Variants in KATNIP observed in about 807,000 individuals in gnomAD.
The protein encoded by KATNIP is katanin-interacting protein.
Under a neutral mutation model 174.0 loss-of-function variants are expected in KATNIP, and 126 were observed. The observed-to-expected ratio is 0.72, with a 90% CI of 0.63 to 0.84. KATNIP has a LOEUF of 0.84. Ranked by LOEUF, KATNIP falls within the 40% of genes least tolerant of loss-of-function variation. The pLI is 0.00. For synonymous variants in KATNIP, 810 were observed against 835.7 expected, an observed-to-expected ratio of 0.97 and a Z score of 0.53; for missense variants, 1,958 against 2,109.7, an observed-to-expected ratio of 0.93 and a Z score of 1.41.
chr16:27,672,548 A>G (rs1449561583), intron 6 of KATNIP, among the ~76,000 whole-genome samples: 1 of 152,204 alleles, frequency 6.6e-6, no homozygotes, highest in Non-Finnish European at 1.5e-5. Flanking sequence ...CACAGCACCT[A>G]AGCACATGAG....
Position 27,576,872 on chromosome 16 carries a change from T to C in KATNIP, c.63+2916T>C, listed in dbSNP as rs1325258831. On this transcript the variant is annotated intron_variant, in intron 2 of 27. Coordinates refer to ENST00000261588, the MANE Select transcript of KATNIP (RefSeq NM_015202.5). ...AGAGCTGGTTAGAACAAATGTTGTA[T>C]TTCTCAAGGTGGTAAGGTGGTGTGG... Among the ~76,000 whole-genome samples, 4 of 152,196 alleles carry C rather than the reference T, an allele frequency of 2.6e-5. No homozygotes were observed. In the East Asian group the frequency reaches 5.8e-4, roughly 22 times the overall value.
In KATNIP at chr16:27,740,578, G is replaced by C; in HGVS notation, c.2281G>C (p.Gly761Arg). The C allele has an allele frequency of 6.2e-7, 1 of 1,614,170 alleles. No homozygotes were observed. The highest frequency in any genetic ancestry group is 8.5e-7 in the Non-Finnish European group (1 of 1,180,034). ...ATCCTGGTTACAACCTTCTCCCACC[G>C]GCAAGGACAGGAAGCAGGGAGGCAG... is the stretch of plus-strand genomic sequence containing the variant. ...TPSWLQPSPTGKDRKQGGRKP... is the reference protein window; with the variant it reads ...TPSWLQPSPTRKDRKQGGRKP... The change falls in exon 15 of 28, where the codon GGC (glycine) becomes CGC (arginine). Residue 761 changes from glycine (G) to arginine (R), a missense_variant. By Grantham distance (125) the Gly-to-Arg change is moderately radical. Coordinates refer to ENST00000261588, the MANE Select transcript of KATNIP (RefSeq NM_015202.5).
At chr16:27,577,924 C>G (rs775197637) in intron 2 of KATNIP, among the ~76,000 whole-genome samples, 1 of 152,042 alleles carries the variant, frequency 6.6e-6, no homozygotes, top group African/African-American at 2.4e-5. Flanking sequence ...GTGATTATAA[C>G]GTGTAGCAGT....
chr16:27,555,046 C>A (rs1252513231), intron 1 of KATNIP, among the ~76,000 whole-genome samples: 1 of 152,084 alleles, frequency 6.6e-6, no homozygotes, highest in Non-Finnish European at 1.5e-5. Context: ...TATCCACCTG[C>A]CTCAGCCTCC....
rs1354935733 is a variant in KATNIP, at chr16:27,631,053, T to C, written c.311-12T>C. 1 of 1,557,074 alleles carries C rather than the reference T, an allele frequency of 6.4e-7. No homozygotes were observed. The highest frequency in any genetic ancestry group is 1.2e-5 in the South Asian group (1 of 84,546). ...TGCCTCACCAAGTCTCCTTCCCTCG[T>C]CTCTGGTGCAGATTATGGACGAAGA... is the stretch of plus-strand genomic sequence containing the variant. On this transcript the variant is annotated splice_polypyrimidine_tract_variant and intron_variant, in intron 4 of 27. Coordinates refer to ENST00000261588, the MANE Select transcript of KATNIP (RefSeq NM_015202.5).
At position 27,550,290 on chromosome 16, in the gene KATNIP, C is replaced by T. The variant is rs935871180; in HGVS notation, c.7+113C>T. ...ACCCCTGGACCACCACTTCCTGACCCAAGGGGGTCTCCGAAATGAGGGATA... is the reference window on the plus strand; with the variant it reads ...ACCCCTGGACCACCACTTCCTGACCTAAGGGGGTCTCCGAAATGAGGGATA... On this transcript the variant is annotated intron_variant, in intron 1 of 27. Coordinates refer to ENST00000261588, the MANE Select transcript of KATNIP (RefSeq NM_015202.5). 4 of 1,229,686 alleles carry T rather than the reference C, an allele frequency of 3.3e-6. No homozygotes were observed. The Admixed American group carries it at 9.8e-5, about 30-fold the overall frequency. The allele number at this position is 1,229,686 out of a possible 1,614,324, so 76.2% of individuals were successfully genotyped here. A position where few individuals can be genotyped will look rare whatever the true frequency, so the allele number is the denominator to read the frequency against.
intron 13 of KATNIP, among the ~76,000 whole-genome samples, chr16:27,710,433 CT>C (rs2079523108): frequency 1.3e-5 from 2 of 152,178 alleles, no homozygotes; most frequent in Admixed American, 1.3e-4. Flanking sequence ...CTTCCTGCTA[CT>C]TGCAAGTTGC....
chr16:27,778,571 C>CCA lies in KATNIP; in HGVS notation c.4802-3_4802-2insCA. The CCA allele has an allele frequency of 6.2e-7, 1 of 1,613,652 alleles. No individual in the cohort carries two copies. ...CTGGTCCCTCTGTTCCCTGTCATGA[C>CCA]AGCCTTACGTCCCAAAACCTGCATC... On this transcript the variant is annotated splice_region_variant and splice_polypyrimidine_tract_variant and intron_variant, in intron 27 of 27. Coordinates refer to ENST00000261588, the MANE Select transcript of KATNIP (RefSeq NM_015202.5).
intron 14 of KATNIP, among the ~76,000 whole-genome samples, chr16:27,732,189 G>C (rs191638314): frequency 6.6e-6 from 1 of 152,204 alleles, no homozygotes; most frequent in African/African-American, 2.4e-5. Context: ...TCCCATCCAC[G>C]TTTGTCATCC....
In KATNIP at chr16:27,631,073, C is replaced by T. The variant is rs748762874; in HGVS notation, c.319C>T (p.Arg107Ter). 1.5e-5 allele frequency: 23 copies of T among 1,567,718 alleles called. No individual in the cohort carries two copies. The highest frequency in any genetic ancestry group is 2.3e-5 in the East Asian group (1 of 42,762). The change falls in exon 5 of 28, where the codon CGA (arginine) becomes TGA (stop). Residue 107 changes from arginine (R) to a stop codon, truncating the protein, a stop_gained. Transcript: ENST00000261588. LOFTEE classifies it high-confidence loss of function. ...CCTCGTCTCTGGTGCAGATTATGGA[C>T]GAAGAACTCTGTTTCGAGAAGCTGA... ...SHTEGTHDYG[R>*]RTLFREAEEA...
At chr16:27,554,159 G>A (rs1021235875) in intron 1 of KATNIP, among the ~76,000 whole-genome samples, 7 of 152,098 alleles carry the variant, frequency 4.6e-5, no homozygotes, top group Admixed American at 2.0e-4. Context: ...ATTGCTTTGT[G>A]TCATAAGTAC....
chr16:27,616,346 G>C (rs2076035767), intron 2 of KATNIP, among the ~76,000 whole-genome samples: 1 of 152,134 alleles, frequency 6.6e-6, no homozygotes, highest in South Asian at 2.1e-4. Context: ...CTGGGCAACA[G>C]AGCAAGACTC....
intron 1 of KATNIP, among the ~76,000 whole-genome samples, chr16:27,568,474 G>GT (rs936409422): frequency 0.011 from 1,622 of 147,306 alleles, 24 homozygotes; most frequent in African/African-American, 0.036. Flanking sequence ...TAAGAAATAA[G>GT]TTTTTTTTTT....
At chr16:27,635,971 TAGTG>T (rs2076623806) in intron 5 of KATNIP, among the ~76,000 whole-genome samples, 1 of 151,994 alleles carries the variant, frequency 6.6e-6, no homozygotes, top group African/African-American at 2.4e-5. Flanking sequence ...CCAGGCAACA[TAGTG>T]AGTCCCATCT....
chr16:27,761,327 C>G (rs1258910686), intron 18 of KATNIP, 86 bp from the exon 19 acceptor site: 6 of 1,373,492 alleles, frequency 4.4e-6, no homozygotes, highest in Non-Finnish European at 5.9e-6. Flanking sequence ...ATATAGAGGC[C>G]GAATAGCATT....
At chr16:27,663,915 A>G (rs1052982112) in intron 6 of KATNIP, among the ~76,000 whole-genome samples, 34 of 151,918 alleles carry the variant, frequency 2.2e-4, no homozygotes, top group African/African-American at 7.0e-4. Flanking sequence ...GGGTCAAGTG[A>G]TGCTCCTGCC....
chr16:27,692,085 C>T (rs1285288432), intron 8 of KATNIP, among the ~76,000 whole-genome samples: 1 of 152,144 alleles, frequency 6.6e-6, no homozygotes, highest in African/African-American at 2.4e-5. Context: ...TCTTTTTAGA[C>T]AAATTTTATA....
At chr16:27,624,816 GA>G (rs1567507681) in intron 3 of KATNIP, among the ~76,000 whole-genome samples, 1 of 151,948 alleles carries the variant, frequency 6.6e-6, no homozygotes, top group African/African-American at 2.4e-5. Context: ...CAAGACCCGG[GA>G]AAAAAAGAAA....
chr16:27,645,015 G>A lies in KATNIP; in HGVS notation c.409-3589G>A, dbSNP rs138109810. 9.5e-3 allele frequency among the ~76,000 whole-genome samples: 1,450 copies of A among 152,292 alleles called. 22 individuals carry two copies. The highest frequency in any genetic ancestry group is 0.034 in the African/African-American group (1,399 of 41,560). ...GACTCCCTTAAATATCACACCCTGG[G>A]CACCTTGCTCCCCTCAAGCCAGCCC... is the stretch of plus-strand genomic sequence containing the variant. On this transcript the variant is annotated intron_variant, in intron 5 of 27. Coordinates refer to ENST00000261588, the MANE Select transcript of KATNIP (RefSeq NM_015202.5).
Sources: gnomAD v4.1 joint callset for allele counts (sites outside exome capture counted in the v4.1 genomes callset) on GRCh38, gnomAD v4.1.1 for gene constraint, MANE v1.5 for transcripts, NCBI Gene and HGNC (gene_info 2026-07-23, HGNC 2026-07-21) for gene names.